DACH2: variants seen among roughly 807,000 people sequenced by gnomAD.
The protein encoded by DACH2 is dachshund homolog 2.
In DACH2, 17 loss-of-function variants were observed where a neutral mutation model predicts 35.8. That is an observed-to-expected ratio of 0.48 (90% CI 0.33 to 0.71). The LOEUF is 0.71. Among genes scored for constraint, DACH2 ranks in the 30% least tolerant of loss-of-function variants. DACH2 has a pLI of 0.02. For synonymous variants in DACH2, 195 were observed against 177.3 expected (o/e 1.10, Z -0.79); for missense variants, 469 against 472.7 (o/e 0.99, Z 0.07).
chrX:86,310,545 G>C (rs1431481439), intron 1 of DACH2, among the ~76,000 whole-genome samples: 1 of 111,783 alleles, frequency 8.9e-6, no homozygotes, highest in Non-Finnish European at 1.9e-5. Context: ...ATCCCTGAAG[G>C]ACCGTGGTGA....
At chrX:86,235,812 A>G (rs2033044642) in intron 1 of DACH2, among the ~76,000 whole-genome samples, 2 of 111,799 alleles carry the variant, frequency 1.8e-5, no homozygotes, top group Admixed American at 1.9e-4. Context: ...CTGAAATTCA[A>G]AAAACTTCTG....
chrX:86,733,556 A>G (rs1016542710), intron 6 of DACH2, among the ~76,000 whole-genome samples: 5 of 111,795 alleles, frequency 4.5e-5, no homozygotes, highest in Non-Finnish European at 9.4e-5. Context: ...TGAAGACAAA[A>G]ATAGGTAAAA....
intron 2 of DACH2, among the ~76,000 whole-genome samples, chrX:86,447,153 T>A (rs1335405269): frequency 2.0e-5 from 2 of 100,494 alleles, no homozygotes; most frequent in East Asian, 6.5e-4. Context: ...TTTGTTTTTT[T>A]CTTGTAAATT....
At chrX:86,238,812 T>C (rs1355179066) in intron 1 of DACH2, among the ~76,000 whole-genome samples, 4 of 111,677 alleles carry the variant, frequency 3.6e-5, no homozygotes, top group African/African-American at 1.3e-4. Flanking sequence ...CTTTTTGTGT[T>C]CAGTTGATTA....
intron 2 of DACH2, among the ~76,000 whole-genome samples, chrX:86,461,926 A>G (rs944303739): frequency 9.0e-6 from 1 of 111,119 alleles, no homozygotes; most frequent in African/African-American, 3.3e-5. Context: ...CATTGGGTAT[A>G]TTTTCTCTGT....
At chrX:86,610,276 C>T (rs763346459) in intron 3 of DACH2, among the ~76,000 whole-genome samples, 4 of 111,363 alleles carry the variant, frequency 3.6e-5, no homozygotes, top group Non-Finnish European at 7.6e-5. Flanking sequence ...AGAATAATGA[C>T]AGTGTACTCT....
chrX:86,508,977 C>A (rs760376519), intron 2 of DACH2, among the ~76,000 whole-genome samples: 1 of 111,468 alleles, frequency 9.0e-6, no homozygotes, highest in African/African-American at 3.3e-5. Context: ...ATAAATAATT[C>A]AATTTATTAT....
intron 3 of DACH2, among the ~76,000 whole-genome samples, chrX:86,581,387 T>C (rs946030212): frequency 9.3e-5 from 10 of 107,396 alleles, no homozygotes; most frequent in African/African-American, 2.1e-4. Flanking sequence ...TAAACTTGAA[T>C]GTATGTGGGC....
intron 1 of DACH2, among the ~76,000 whole-genome samples, chrX:86,150,557 G>A (rs1482468210): frequency 9.0e-6 from 1 of 111,230 alleles, no homozygotes; most frequent in African/African-American, 3.3e-5. Flanking sequence ...CTGTGTTCAA[G>A]CAATTAAACA....
chrX:86,359,144 G>A (rs2035696574), intron 1 of DACH2, among the ~76,000 whole-genome samples: 1 of 108,052 alleles, frequency 9.3e-6, no homozygotes, highest in Admixed American at 1.0e-4. Context: ...TTTAATTAAA[G>A]AGTGCCTTTA....
chrX:86,305,030 G>T, intron 1 of DACH2: 1 of 153,217 alleles, frequency 6.5e-6, no homozygotes, highest in South Asian at 1.9e-4. Context: ...GCTGAGCTTT[G>T]ACAAGCACTG....
rs780351959 is a variant in DACH2 at position 86,774,093 on chromosome X, TA to T, written c.1240+34219del. ...CCACAAAAATTAAAAATCAAAAATTTAAAAAAAACTAATGAAATTCCCTTTT... is the reference window on the plus strand; with the variant it reads ...CCACAAAAATTAAAAATCAAAAATTTAAAAAAACTAATGAAATTCCCTTTT... On this transcript the variant is annotated intron_variant, in intron 7 of 11. Coordinates refer to ENST00000373125, the MANE Select transcript of DACH2 (RefSeq NM_053281.3). Among the ~76,000 whole-genome samples the T allele has an allele frequency of 4.0e-3, 445 of 111,423 alleles. 2 individuals are homozygous for T. Among genetic ancestry groups the T allele is most frequent in the African/African-American group, 0.014 (422 of 30,700 alleles).
intron 3 of DACH2, among the ~76,000 whole-genome samples, chrX:86,565,795 A>T (rs1014084501): frequency 6.3e-5 from 7 of 111,489 alleles, no homozygotes; most frequent in African/African-American, 2.3e-4. Context: ...AAATAGGAAA[A>T]GTCAAGAATC....
chrX:86,764,695 G>A (rs1348718612), intron 7 of DACH2, among the ~76,000 whole-genome samples: 1 of 111,268 alleles, frequency 9.0e-6, no homozygotes, highest in Non-Finnish European at 1.9e-5. Context: ...GAACAAATGG[G>A]TGCATGTGCC....
chrX:86,284,172 G>A (rs2034096927), intron 1 of DACH2, among the ~76,000 whole-genome samples: 1 of 111,554 alleles, frequency 9.0e-6, no homozygotes, highest in Non-Finnish European at 1.9e-5. Flanking sequence ...TTCTTGTCAT[G>A]TTCCAGATCT....
intron 2 of DACH2, among the ~76,000 whole-genome samples, chrX:86,462,200 A>G (rs1275641866): frequency 1.8e-5 from 2 of 111,853 alleles, no homozygotes; most frequent in African/African-American, 6.5e-5. Context: ...AGATTCAACT[A>G]CAAATATCAT....
intron 1 of DACH2, among the ~76,000 whole-genome samples, chrX:86,254,807 T>TATATATATAGAGAGAGAGAGAGAGAG (rs1380613474): frequency 2.0e-5 from 1 of 49,658 alleles, no homozygotes; most frequent in African/African-American, 1.2e-4. Context: ...TATATATATA[T>TATATATATAGAGAGAGAGAGAGAGAG]AGAGAGAGAG....
At chrX:86,313,475 G>A (rs987197605) in intron 1 of DACH2, among the ~76,000 whole-genome samples, 7 of 111,619 alleles carry the variant, frequency 6.3e-5, no homozygotes, top group Middle Eastern at 4.6e-3. Flanking sequence ...ACAACTGAGC[G>A]GCCATAGGTA....
intron 1 of DACH2, among the ~76,000 whole-genome samples, chrX:86,209,102 A>G (rs1235348396): frequency 2.7e-5 from 3 of 111,614 alleles, no homozygotes; most frequent in Non-Finnish European, 3.8e-5. Context: ...TTTGCATCAC[A>G]GTTTTCTCAC....
Sources: allele counts gnomAD v4.1 joint callset (sites outside exome capture counted in the v4.1 genomes callset), GRCh38; gene constraint gnomAD v4.1.1; transcripts MANE v1.5; gene names NCBI Gene and HGNC (gene_info 2026-07-23, HGNC 2026-07-21).